The following CSMD3 variants were observed in gnomAD, a reference collection of about 807,000 sequenced individuals.
CSMD3 encodes CUB and sushi domain-containing protein 3.
A neutral mutation model predicts 435.2 loss-of-function variants in CSMD3; 177 were observed. That is an observed-to-expected ratio of 0.41 (90% CI 0.36 to 0.46). CSMD3 has a LOEUF of 0.46. CSMD3 is among the 20% of genes least tolerant of loss of function. CSMD3 has a pLI of 0.34. For missense variants in CSMD3, 4,265 were observed against 4,504.6 expected, an observed-to-expected ratio of 0.95 and a Z score of 1.52; for synonymous variants, 1,656 against 1,520.5, an observed-to-expected ratio of 1.09 and a Z score of -2.07.
At chr8:113,409,436 C>A (rs1341326688) in intron 1 of CSMD3, among the ~76,000 whole-genome samples, 12 of 152,012 alleles carry the variant, frequency 7.9e-5, no homozygotes, top group Admixed American at 5.2e-4. Context: ...TCTCTTTTCA[C>A]TTTAGGCATG....
intron 13 of CSMD3, among the ~76,000 whole-genome samples, chr8:112,770,976 GA>G (rs1428742886): frequency 5.3e-5 from 8 of 151,888 alleles, no homozygotes; most frequent in Non-Finnish European, 1.2e-4. Flanking sequence ...ATAATGTCTG[GA>G]AAAAAATGGT....
chr8:113,369,061 G>C (rs573505268), intron 1 of CSMD3, among the ~76,000 whole-genome samples: 8 of 151,966 alleles, frequency 5.3e-5, no homozygotes, highest in African/African-American at 1.7e-4. Context: ...TGGCAAGTGA[G>C]GCAAACAAAA....
chr8:112,444,893 A>G lies in CSMD3; in HGVS notation c.5395+27698T>C, dbSNP rs529243836. On this transcript the variant is annotated intron_variant, in intron 32 of 70. Coordinates refer to ENST00000297405, the MANE Select transcript of CSMD3 (RefSeq NM_198123.2). ...TGATATCTAAAAATGTATGATTGAAATGAAAAAGAAGCTTAAAATAGTAAG... is the reference window on the plus strand; with the variant it reads ...TGATATCTAAAAATGTATGATTGAAGTGAAAAAGAAGCTTAAAATAGTAAG... Among the ~76,000 whole-genome samples, 51 of 152,288 alleles carry G rather than the reference A, an allele frequency of 3.3e-4. 1 individual carries two copies. The highest frequency in any genetic ancestry group is 1.2e-3 in the African/African-American group (51 of 41,574).
intron 9 of CSMD3, among the ~76,000 whole-genome samples, chr8:112,926,872 T>A (rs1041933546): frequency 2.0e-5 from 3 of 152,096 alleles, no homozygotes; most frequent in Admixed American, 6.6e-5. Flanking sequence ...TATTTTTTGG[T>A]CTATTTAAAA....
intron 3 of CSMD3, among the ~76,000 whole-genome samples, chr8:113,188,209 T>C (rs1017527297): frequency 3.3e-5 from 5 of 152,028 alleles, no homozygotes; most frequent in African/African-American, 1.2e-4. Flanking sequence ...GAATTCTACA[T>C]GTTTCTTTAA....
chr8:112,779,224 A>T (rs2078321295), intron 13 of CSMD3, among the ~76,000 whole-genome samples: 1 of 151,486 alleles, frequency 6.6e-6, no homozygotes, highest in Admixed American at 6.6e-5. Context: ...TGACCTCAGC[A>T]GTAGCTCAAA....
chr8:112,556,511 A>G (rs1036258712), intron 25 of CSMD3, among the ~76,000 whole-genome samples: 11 of 152,056 alleles, frequency 7.2e-5, no homozygotes, highest in Admixed American at 2.6e-4. Context: ...GGTAGCAGAA[A>G]TAAAATGACT....
chr8:112,637,023 A>AT lies in CSMD3; in HGVS notation c.3527-19_3527-18insA. The AT allele has an allele frequency of 6.2e-7, 1 of 1,606,542 alleles. No individual in the cohort carries two copies. Among genetic ancestry groups the AT allele is most frequent in the Non-Finnish European group, 8.5e-7 (1 of 1,173,386 alleles). On this transcript the variant is annotated intron_variant, in intron 21 of 70. Transcript: ENST00000297405. ...GTTATATTCTGTAAATTAGAGAGAA[A>AT]AATTTCCCCGCGGGGGAGGAAAGGA... is the stretch of plus-strand genomic sequence containing the variant.
intron 40 of CSMD3, among the ~76,000 whole-genome samples, chr8:112,346,961 A>G (rs1311530093): frequency 6.6e-6 from 1 of 151,980 alleles, no homozygotes; most frequent in Non-Finnish European, 1.5e-5. Flanking sequence ...TTTTTGTGAG[A>G]AGGCTCAATA....
intron 1 of CSMD3, among the ~76,000 whole-genome samples, chr8:113,418,649 TG>T (rs367672897): frequency 9.6e-4 from 146 of 152,348 alleles, no homozygotes; most frequent in Non-Finnish European, 1.7e-3. Flanking sequence ...TAAATTCTAA[TG>T]TGTTCAGAAT....
chr8:113,121,708 A>G (rs1915862), intron 4 of CSMD3, among the ~76,000 whole-genome samples: 51,820 of 151,964 alleles, frequency 0.34, 9,722 homozygotes, highest in East Asian at 0.69. Context: ...AAAATATTCT[A>G]TCACACAGTT....
rs1014100823 is a variant in CSMD3, at chr8:112,975,924, G to C, written c.1255C>G (p.Pro419Ala). 22 of 1,613,914 alleles carry C rather than the reference G, an allele frequency of 1.4e-5. No homozygotes were observed. The highest frequency in any genetic ancestry group is 5.0e-5 in the Admixed American group (3 of 59,972). ...NTSKDGLSPH[P>A]ADTQSTRRRP... is the part of the protein sequence containing the mutation. Reference sequence around the variant, plus strand: ...CTCCTGGTACTTTGTGTATCTGCTGGATGAGGAGAGAGCCCGTCCTTGGAC... The same window carrying C: ...CTCCTGGTACTTTGTGTATCTGCTGCATGAGGAGAGAGCCCGTCCTTGGAC... The change falls in exon 7 of 71, where the codon CCA becomes GCA. Residue 419 changes from proline to alanine, a missense_variant. Transcript: ENST00000297405.
intron 28 of CSMD3, among the ~76,000 whole-genome samples, chr8:112,511,453 G>A (rs1586561913): frequency 7.2e-6 from 1 of 139,692 alleles, no homozygotes; most frequent in Non-Finnish European, 1.5e-5. Flanking sequence ...GCAGTGGCGA[G>A]ATCTCAGCTG....
intron 28 of CSMD3, among the ~76,000 whole-genome samples, chr8:112,507,469 T>C (rs926916181): frequency 1.3e-5 from 2 of 152,098 alleles, no homozygotes; most frequent in African/African-American, 4.8e-5. Context: ...AAGAAAGATA[T>C]GGAGGTCTTC....
intron 4 of CSMD3, among the ~76,000 whole-genome samples, chr8:113,147,220 ATTTT>A (rs1048878242): frequency 6.6e-6 from 1 of 151,652 alleles, no homozygotes; most frequent in Non-Finnish European, 1.5e-5. Context: ...GTTGTTAGCT[ATTTT>A]TTTATTTTAG....
At chr8:112,873,436 ATT>A (rs1388056576) in intron 10 of CSMD3, among the ~76,000 whole-genome samples, 1 of 151,980 alleles carries the variant, frequency 6.6e-6, no homozygotes, top group Non-Finnish European at 1.5e-5. Flanking sequence ...CATCAGAAAT[ATT>A]GTCTTTTATT....
At chr8:112,844,608 A>C (rs2080267101) in intron 11 of CSMD3, among the ~76,000 whole-genome samples, 1 of 152,010 alleles carries the variant, frequency 6.6e-6, no homozygotes, top group Non-Finnish European at 1.5e-5. Flanking sequence ...CCATGTTGCA[A>C]CCTAAGATAA....
At chr8:113,363,870 TTAA>T (rs537497571) in intron 1 of CSMD3, among the ~76,000 whole-genome samples, 1 of 152,204 alleles carries the variant, frequency 6.6e-6, no homozygotes, top group Non-Finnish European at 1.5e-5. Flanking sequence ...GTTTTTAATT[TTAA>T]TAATGTCTAA....
rs375128411 is a variant in CSMD3 at position 112,336,833 on chromosome 8, C to A, written c.6842-4G>T. 2 of 1,610,490 alleles carry A rather than the reference C, an allele frequency of 1.2e-6. No individual in the cohort carries two copies. Among genetic ancestry groups the A allele is most frequent in the African/African-American group, 1.3e-5 (1 of 74,874 alleles). ...GTTATATTCCCACCACAAAGAGCTA[C>A]GGAAAAAGTCACAAAACAAAATAAT... On this transcript the variant is annotated splice_region_variant and splice_polypyrimidine_tract_variant and intron_variant, in intron 43 of 70. Transcript: ENST00000297405.
Sources: gnomAD v4.1 joint callset for allele counts (sites outside exome capture counted in the v4.1 genomes callset) on GRCh38, gnomAD v4.1.1 for gene constraint, MANE v1.5 for transcripts, NCBI Gene and HGNC (gene_info 2026-07-23, HGNC 2026-07-21) for gene names.